CDHR2: variants seen among roughly 807,000 people sequenced by gnomAD.
The protein encoded by CDHR2 is cadherin related family member 2, also known as cadherin-related family member 2.
In CDHR2, 104 loss-of-function variants were observed where a neutral mutation model predicts 138.6. The ratio of observed to expected loss-of-function variants is 0.75; its 90% confidence interval spans 0.64 to 0.88. The LOEUF is 0.88. Ranked by LOEUF, CDHR2 falls within the 40% of genes least tolerant of loss-of-function variation. The pLI, the probability that CDHR2 is intolerant of heterozygous loss-of-function variation, is 0.00. For synonymous variants in CDHR2, 755 were observed against 742.8 expected, an observed-to-expected ratio of 1.02 and a Z score of -0.27; for missense variants, 1,624 against 1,727.6, an observed-to-expected ratio of 0.94 and a Z score of 1.06.
At chr5:176,578,684 G>A in intron 16 of CDHR2, 76 bp downstream of exon 16, 1 of 1,577,332 alleles carries the variant, frequency 6.3e-7, no homozygotes, top group Non-Finnish European at 8.6e-7. Context: ...GCTGGCCCTG[G>A]GTAAAGTCGG....
At chr5:176,595,304 C>A (rs1758997487) in intron 31 of CDHR2, among the ~76,000 whole-genome samples, 1 of 152,152 alleles carries the variant, frequency 6.6e-6, no homozygotes, top group South Asian at 2.1e-4. Flanking sequence ...AGGGCAAAGG[C>A]AAGAGTGAAT....
Position 176,575,777 on chromosome 5 carries a change from A to G in CDHR2, c.898A>G (p.Asn300Asp). 1.3e-6 allele frequency: 2 copies of G among 1,564,580 alleles called. No homozygotes were observed. Among genetic ancestry groups the G allele is most frequent in the Non-Finnish European group, 1.7e-6 (2 of 1,153,948 alleles). ...DIGADGVIRV[N>D]GSLDREQLLE... Reference sequence around the variant, plus strand: ...CGGGGCAGATGGGGTGATCAGGGTCAACGGCTCCCTGGACCGTGAGCAGCT... The same window carrying G: ...CGGGGCAGATGGGGTGATCAGGGTCGACGGCTCCCTGGACCGTGAGCAGCT... Residue 300 changes from asparagine (N) to aspartate (D), a missense_variant, in exon 11 of 32, where the codon AAC (asparagine) becomes GAC (aspartate). This residue lies in a region of CDHR2 where 1,061 missense variants were observed against 1,136.6 expected (regional missense o/e 0.93). Coordinates refer to ENST00000261944, the MANE Select transcript of CDHR2 (RefSeq NM_017675.6).
At chr5:176,588,465 GTGTA>G (rs1289519399) in intron 21 of CDHR2, among the ~76,000 whole-genome samples, 8 of 134,672 alleles carry the variant, frequency 5.9e-5, no homozygotes, top group East Asian at 2.2e-4. Context: ...GGGTGTGTGA[GTGTA>G]TGTGAGTGTG....
intron 6 of CDHR2, among the ~76,000 whole-genome samples, chr5:176,573,676 T>C (rs1221474592): frequency 6.7e-6 from 1 of 149,702 alleles, no homozygotes; most frequent in Non-Finnish European, 1.5e-5. Context: ...AGAGTTGGTG[T>C]GTACAGGGGC....
At position 176,589,014 on chromosome 5, in the gene CDHR2, T is replaced by C. The variant is rs1356209323; in HGVS notation, c.2857-17T>C. On this transcript the variant is annotated splice_polypyrimidine_tract_variant and intron_variant, in intron 21 of 31. Coordinates refer to ENST00000261944, the MANE Select transcript of CDHR2 (RefSeq NM_017675.6). ...GGCCTGGCTGGGCCCCCAGATATTGTCCACTCTTGCTCCCAGGCCAGAGAC... is the reference window on the plus strand; with the variant it reads ...GGCCTGGCTGGGCCCCCAGATATTGCCCACTCTTGCTCCCAGGCCAGAGAC... 3 of 1,613,246 alleles carry C rather than the reference T, an allele frequency of 1.9e-6. No homozygotes were observed. Among genetic ancestry groups the C allele is most frequent in the Admixed American group, 1.7e-5 (1 of 59,982 alleles).
rs1758526908 is a variant in CDHR2, at chr5:176,581,415, C to G, written c.1891C>G (p.His631Asp). ...CAACCTGCTGCCTGGCCCCTACAGC[C>G]ACAACTTCTCCTTGGACCCTGACAC... Reference protein sequence around the residue: ...LFNLLPGPYSHNFSLDPDTGL... With the variant: ...LFNLLPGPYSDNFSLDPDTGL... The change falls in exon 17 of 32, where the codon CAC becomes GAC. Residue 631 changes from histidine to aspartate, a missense_variant. His to Asp is a moderately conservative substitution (Grantham distance 81). This residue lies in a region of CDHR2 where 1,061 missense variants were observed against 1,136.6 expected (regional missense o/e 0.93). Transcript: ENST00000261944. 1 of 1,614,056 alleles carries G rather than the reference C, an allele frequency of 6.2e-7. No individual in the cohort carries two copies.
chr5:176,571,567 C>G (rs1426089980), intron 6 of CDHR2, among the ~76,000 whole-genome samples: 1 of 151,904 alleles, frequency 6.6e-6, no homozygotes, highest in East Asian at 1.9e-4. Context: ...GACGGAGTCT[C>G]ACTCTGTTGC....
rs1221601829 is a variant in CDHR2, at chr5:176,543,884, G to C, written c.-16+1115G>C. On this transcript the variant is annotated intron_variant, in intron 1 of 31. Coordinates refer to the CDHR2 transcript ENST00000510636. This position sits in a 1 kb window ranked among gnomAD's most constrained non-coding sequence, Gnocchi z 4.0. The stretch of plus-strand genomic sequence containing the variant: ...GAGGCGGCCGGCCGAGACATCGGGA[G>C]GGATTACGTTCCCCGCAACCCCTGT... Among the ~76,000 whole-genome samples, 5 of 152,218 alleles carry C rather than the reference G, an allele frequency of 3.3e-5. No homozygotes were observed.
At chr5:176,580,037 C>T (rs1029111857) in intron 16 of CDHR2, among the ~76,000 whole-genome samples, 2 of 152,134 alleles carry the variant, frequency 1.3e-5, no homozygotes, top group Non-Finnish European at 2.9e-5. Context: ...CAGAGGAACC[C>T]GCTGTGTTAT....
chr5:176,548,679 A>G (rs142821379), upstream of CDHR2, among the ~76,000 whole-genome samples: 1,022 of 152,088 alleles, frequency 6.7e-3, 6 homozygotes, highest in African/African-American at 0.023. Flanking sequence ...GGAAGCAGAG[A>G]TTGCAGTGAG....
At chr5:176,573,846 C>T (rs945237248) in intron 6 of CDHR2, among the ~76,000 whole-genome samples, 4 of 152,034 alleles carry the variant, frequency 2.6e-5, no homozygotes, top group Non-Finnish European at 4.4e-5. Flanking sequence ...TGAGGGGCTC[C>T]GACAATCAGA....
At chr5:176,568,600 C>A in intron 3 of CDHR2, 78 bp from the exon 4 acceptor site, 2 of 1,540,926 alleles carry the variant, frequency 1.3e-6, no homozygotes, top group Non-Finnish European at 1.8e-6. Flanking sequence ...GCGCCCAGCC[C>A]AGCCTCACAG....
intron 17 of CDHR2, 61 bp downstream of exon 17, chr5:176,581,643 C>A: frequency 6.3e-7 from 1 of 1,588,014 alleles, no homozygotes; most frequent in South Asian, 1.1e-5. Flanking sequence ...CCAGCCCCTC[C>A]AGCTTGAGTC....
At chr5:176,580,570 C>T (rs999082560) in intron 16 of CDHR2, among the ~76,000 whole-genome samples, 1 of 148,042 alleles carries the variant, frequency 6.8e-6, no homozygotes, top group Admixed American at 6.7e-5. Context: ...AAAAAGAAAA[C>T]AAAACAAAAC....
At position 176,584,279 on chromosome 5, in the gene CDHR2, G is replaced by A. The variant is rs1438845442; in HGVS notation, c.2128+20G>A. 2 of 1,613,452 alleles carry A rather than the reference G, an allele frequency of 1.2e-6. No homozygotes were observed. Among genetic ancestry groups the A allele is most frequent in the African/African-American group, 2.7e-5 (2 of 74,912 alleles). On this transcript the variant is annotated intron_variant, in intron 18 of 31. Coordinates refer to ENST00000261944, the MANE Select transcript of CDHR2 (RefSeq NM_017675.6). ...ATCCAGGTATGTGCTCCCTGGGCCA[G>A]GAGAGACACTGCGGCTGGGACCCAG...
At chr5:176,555,221 T>A (rs1302920297) in intron 1 of CDHR2, among the ~76,000 whole-genome samples, 2 of 152,168 alleles carry the variant, frequency 1.3e-5, no homozygotes, top group Non-Finnish European at 1.5e-5. Context: ...GATGAGTAGG[T>A]CAACAGGGCA....
At chr5:176,588,805 G>T (rs1043433174) in intron 21 of CDHR2, among the ~76,000 whole-genome samples, 1 of 152,116 alleles carries the variant, frequency 6.6e-6, no homozygotes, top group Non-Finnish European at 1.5e-5. Context: ...TTAGGGCAGT[G>T]ATCTGTTTGG....
In CDHR2 at chr5:176,578,874, C is replaced by A. The variant is rs553674199; in HGVS notation, c.1818+266C>A. Among the ~76,000 whole-genome samples, 64 of 152,192 alleles carry A rather than the reference C, an allele frequency of 4.2e-4. No individual in the cohort carries two copies. The South Asian group carries it at 0.013, about 31-fold the overall frequency. On this transcript the variant is annotated intron_variant, in intron 16 of 31. Transcript: ENST00000261944. Reference sequence around the variant, plus strand: ...AAACATACACTTCTTTTTTATTTACCCACCTGCCCCACTCCAAAAAGGACT... The same window carrying A: ...AAACATACACTTCTTTTTTATTTACACACCTGCCCCACTCCAAAAAGGACT...
At chr5:176,559,199 G>A (rs1757911533) in intron 1 of CDHR2, among the ~76,000 whole-genome samples, 1 of 152,184 alleles carries the variant, frequency 6.6e-6, no homozygotes, top group South Asian at 2.1e-4. Flanking sequence ...GCCACGTTCT[G>A]TTGATCAAGC....
Sources: gnomAD v4.1 joint callset for allele counts (sites outside exome capture counted in the v4.1 genomes callset) on GRCh38, gnomAD v4.1.1 for gene constraint, gnomAD v4.1.1 regional missense constraint, Gnocchi (gnomAD v3.1) non-coding constraint, MANE v1.5 for transcripts, NCBI Gene and HGNC (gene_info 2026-07-23, HGNC 2026-07-21) for gene names.